PKNOX2: variants seen among roughly 807,000 people sequenced by gnomAD.
PKNOX2 encodes the protein PBX/knotted 1 homeobox 2.
PKNOX2 carries 14 observed loss-of-function variants against 53.1 expected under a neutral mutation model. The observed-to-expected ratio is 0.26, with a 90% CI of 0.17 to 0.41. PKNOX2 has a LOEUF of 0.41. PKNOX2 is among the 10% of genes least tolerant of loss of function. PKNOX2 has a pLI of 1.00. For missense variants in PKNOX2, 496 were observed against 602.8 expected (o/e 0.82, Z 1.85); for synonymous variants, 257 against 242.8 (o/e 1.06, Z -0.54).
In PKNOX2 at chr11:125,232,412, TC is replaced by T. The variant is rs1942288934; in HGVS notation, c.-200-2632del. On this transcript the variant is annotated intron_variant, in intron 1 of 12. Transcript: ENST00000298282. ...CGAACCTTTCAGTATATTAAGTCAT[TC>T]ATCCTCACCACCACCCTCAGAGGAG... Among the ~76,000 whole-genome samples, 5 of 152,362 alleles carry T rather than the reference TC, an allele frequency of 3.3e-5. 1 individual carries two copies. In the South Asian group the frequency reaches 1.0e-3, roughly 32 times the overall value.
chr11:125,378,630 C>G (rs1474438864), intron 5 of PKNOX2, among the ~76,000 whole-genome samples: 1 of 152,196 alleles, frequency 6.6e-6, no homozygotes, highest in Non-Finnish European at 1.5e-5. Flanking sequence ...ATGGCCCAGG[C>G]AGGCAGCCAC....
chr11:125,401,322 G>A (rs1954735933), intron 7 of PKNOX2, among the ~76,000 whole-genome samples: 1 of 152,196 alleles, frequency 6.6e-6, no homozygotes, highest in African/African-American at 2.4e-5. Context: ...AAGAGTGACA[G>A]CAAGTGAAAG....
chr11:125,342,289 C>G (rs1950730230), intron 3 of PKNOX2, among the ~76,000 whole-genome samples: 1 of 152,218 alleles, frequency 6.6e-6, no homozygotes, highest in Admixed American at 6.5e-5. Context: ...CCGCTGGCTC[C>G]AGGAGAATCT....
intron 2 of PKNOX2, among the ~76,000 whole-genome samples, chr11:125,274,274 C>G (rs1180979220): frequency 2.0e-5 from 3 of 152,154 alleles, no homozygotes; most frequent in Non-Finnish European, 2.9e-5. Flanking sequence ...ACACTCCTAA[C>G]CACTGCACCA....
chr11:125,231,324 C>T (rs1591488986), intron 1 of PKNOX2, among the ~76,000 whole-genome samples: 1 of 152,326 alleles, frequency 6.6e-6, no homozygotes, highest in East Asian at 1.9e-4. Flanking sequence ...GGGAAGCTTT[C>T]TTCTATCCCT....
rs141311276 is a variant in PKNOX2, at chr11:125,321,223, T to C, written c.-129-10596T>C. 9.9e-5 allele frequency among the ~76,000 whole-genome samples: 15 copies of C among 152,272 alleles called. 1 individual carries two copies. Among genetic ancestry groups the C allele is most frequent in the African/African-American group, 3.6e-4 (15 of 41,544 alleles). ...GTTTAACTATAACCCAGAGCAGAGATCAGCAAACTTTTTCTGTAAAATTTC... is the reference window on the plus strand; with the variant it reads ...GTTTAACTATAACCCAGAGCAGAGACCAGCAAACTTTTTCTGTAAAATTTC... On this transcript the variant is annotated intron_variant, in intron 2 of 12. Transcript: ENST00000298282.
Position 125,367,876 on chromosome 11 carries a change from G to C in PKNOX2, c.118G>C (p.Ala40Pro). The stretch of plus-strand genomic sequence containing the variant: ...GGCAACCGCCCAGCCACCCTCCAAG[G>C]CCCAGGCTGTCCACATCTCTGCCCC... ...MTATAQPPSKAQAVHISAPSA... is the reference protein window; with the variant it reads ...MTATAQPPSKPQAVHISAPSA... Residue 40 changes from alanine to proline, a missense_variant, in exon 5 of 13, where the codon GCC (alanine) becomes CCC (proline). Physicochemically the swap from Ala to Pro is conservative, Grantham distance 27. This residue lies in a region of PKNOX2 where 168 missense variants were observed against 178.4 expected (regional missense o/e 0.94). Transcript: ENST00000298282. 6.2e-7 allele frequency: 1 copy of C among 1,613,252 alleles called. No homozygotes were observed. The highest frequency in any genetic ancestry group is 8.5e-7 in the Non-Finnish European group (1 of 1,179,840).
At chr11:125,382,233 GCA>G in intron 5 of PKNOX2, among the ~76,000 whole-genome samples, 1 of 152,340 alleles carries the variant, frequency 6.6e-6, no homozygotes, top group Admixed American at 6.5e-5. Context: ...CACTGCGTGT[GCA>G]CACAATGAAA....
chr11:125,378,383 CA>C (rs1002685824), intron 5 of PKNOX2, among the ~76,000 whole-genome samples: 1 of 152,164 alleles, frequency 6.6e-6, no homozygotes, highest in Non-Finnish European at 1.5e-5. Flanking sequence ...AGATGTCCAC[CA>C]AAAAATCTTG....
chr11:125,226,776 C>CTT (rs1204087363), intron 1 of PKNOX2, among the ~76,000 whole-genome samples: 2 of 145,304 alleles, frequency 1.4e-5, no homozygotes, highest in African/African-American at 5.1e-5. Flanking sequence ...TTTTTTTTTC[C>CTT]TTTTTTTTTT....
At chr11:125,372,564 T>C (rs1365438668) in intron 5 of PKNOX2, among the ~76,000 whole-genome samples, 1 of 152,220 alleles carries the variant, frequency 6.6e-6, no homozygotes, top group Non-Finnish European at 1.5e-5. Flanking sequence ...TTTATAAGTG[T>C]CTTCAGTGAT....
intron 2 of PKNOX2, among the ~76,000 whole-genome samples, chr11:125,318,932 C>T (rs892696506): frequency 6.6e-6 from 1 of 152,206 alleles, no homozygotes. Flanking sequence ...TTCCCCTTCA[C>T]CTTCCACCAT....
At chr11:125,336,099 C>T (rs1565499884) in intron 3 of PKNOX2, among the ~76,000 whole-genome samples, 1 of 152,186 alleles carries the variant, frequency 6.6e-6, no homozygotes, top group Non-Finnish European at 1.5e-5. Flanking sequence ...CTTTTAACTG[C>T]TGCATAGTTT....
At position 125,358,004 on chromosome 11, in the gene PKNOX2, G is replaced by A. The variant is rs186277936; in HGVS notation, c.87+6612G>A. ...TCTTGGAGCTTAGAGTCCATGTGGG[G>A]CCTTAGTTTCTGCATTCATAAAATG... On this transcript the variant is annotated intron_variant, in intron 4 of 12. Transcript: ENST00000298282. 4.6e-4 allele frequency among the ~76,000 whole-genome samples: 70 copies of A among 152,180 alleles called. No homozygotes were observed. The East Asian group carries it at 0.011, about 25-fold the overall frequency.
At chr11:125,430,385 T>G (rs1298230030) in intron 12 of PKNOX2, among the ~76,000 whole-genome samples, 1 of 152,178 alleles carries the variant, frequency 6.6e-6, no homozygotes, top group African/African-American at 2.4e-5. Flanking sequence ...CAGTGACTGC[T>G]CAGCAGAGCC....
In PKNOX2 at chr11:125,403,685, A is replaced by G. The variant is rs138643429; in HGVS notation, c.588+5623A>G. Among the ~76,000 whole-genome samples, 49 of 152,300 alleles carry G rather than the reference A, an allele frequency of 3.2e-4. No individual in the cohort carries two copies. The East Asian group carries it at 8.5e-3, about 26-fold the overall frequency. On this transcript the variant is annotated intron_variant, in intron 7 of 12. Transcript: ENST00000298282. ...ACATGGGGATATGTTTTTGTGACAC[A>G]TGGGGAGAAGAATCAGGGGTCCTGG...
rs779242115 is a variant in PKNOX2, at chr11:125,240,288, G to C, written c.-130+5173G>C. 1 of 152,170 alleles carries C rather than the reference G, an allele frequency of 6.6e-6. No individual in the cohort carries two copies. Among genetic ancestry groups the C allele is most frequent in the Non-Finnish European group, 1.5e-5 (1 of 68,044 alleles). The allele number at this position is 152,170 out of a possible 1,614,324, so 9.4% of individuals were successfully genotyped here. On this transcript the variant is annotated intron_variant, in intron 2 of 12. Transcript: ENST00000298282. The surrounding 1 kb of genome is among the most constrained non-coding windows in gnomAD (Gnocchi z 4.3). ...GCCAAGGCGACTCTCTCAATTAATG[G>C]CTTTGTTTAATCATACCCCCTGTCC... is the stretch of plus-strand genomic sequence containing the variant.
intron 5 of PKNOX2, among the ~76,000 whole-genome samples, chr11:125,377,758 AAACAAAAC>A (rs928290303): frequency 2.0e-5 from 3 of 152,258 alleles, no homozygotes; most frequent in Non-Finnish European, 4.4e-5. Context: ...AAAAACAAAC[AAACAAAAC>A]AACAAAACAA....
intron 5 of PKNOX2, among the ~76,000 whole-genome samples, chr11:125,385,216 C>T (rs536836272): frequency 6.6e-6 from 1 of 152,324 alleles, no homozygotes; most frequent in Admixed American, 6.5e-5. Flanking sequence ...TAGGTTGACT[C>T]TGAGCCAGAA....
Sources: gnomAD v4.1 joint callset for allele counts (sites outside exome capture counted in the v4.1 genomes callset) on GRCh38, gnomAD v4.1.1 for gene constraint, gnomAD v4.1.1 regional missense constraint, Gnocchi (gnomAD v3.1) non-coding constraint, MANE v1.5 for transcripts, NCBI Gene and HGNC (gene_info 2026-07-23, HGNC 2026-07-21) for gene names.